RIMKLB: variants seen among roughly 807,000 people sequenced by gnomAD.
RIMKLB encodes ribosomal modification protein rimK like family member B.
A neutral mutation model predicts 32.0 loss-of-function variants in RIMKLB; 7 were observed. The observed-to-expected ratio is 0.22, with a 90% CI of 0.12 to 0.41. The LOEUF (loss-of-function observed/expected upper bound fraction) is 0.41, where lower values mean the gene tolerates loss of function less well. RIMKLB is among the 10% of genes least tolerant of loss of function. The pLI is 1.00. For synonymous variants in RIMKLB, 172 were observed against 185.1 expected, an observed-to-expected ratio of 0.93 and a Z score of 0.57; for missense variants, 289 against 498.7, an observed-to-expected ratio of 0.58 and a Z score of 4.00.
At chr12:8,678,580 G>A (rs1423944221), upstream of RIMKLB, among the ~76,000 whole-genome samples, 4 of 151,754 alleles carry the variant, frequency 2.6e-5, no homozygotes, top group African/African-American at 7.3e-5. Flanking sequence ...CGCCTGTCTC[G>A]GCCTCCCAAA....
At chr12:8,755,795 A>G (rs947098677) in intron 5 of RIMKLB, among the ~76,000 whole-genome samples, 1 of 152,120 alleles carries the variant, frequency 6.6e-6, no homozygotes, top group Non-Finnish European at 1.5e-5. Context: ...GATCATCCTG[A>G]CCTCAAGGTT....
At chr12:8,678,324 T>C (rs1037961728), upstream of RIMKLB, among the ~76,000 whole-genome samples, 6 of 151,624 alleles carry the variant, frequency 4.0e-5, no homozygotes, top group African/African-American at 1.5e-4. Context: ...CCGGTCTTTC[T>C]TTTTTTCTTT....
At chr12:8,675,697 A>T in the RIMKLB span, among the ~76,000 whole-genome samples, 1 of 152,142 alleles carries the variant, frequency 6.6e-6, no homozygotes, top group Non-Finnish European at 1.5e-5. Flanking sequence ...CAGGATTACA[A>T]CTTTTTTTAG....
intron 2 of RIMKLB, among the ~76,000 whole-genome samples, chr12:8,743,354 CAAAAAAAAA>C (rs60066068): frequency 7.7e-5 from 5 of 65,188 alleles, no homozygotes; most frequent in African/African-American, 2.3e-4. Context: ...GAGTCTGTCT[CAAAAAAAAA>C]AAAAAAAAAA....
At chr12:8,680,988 C>CTT (rs149951264), upstream of RIMKLB, among the ~76,000 whole-genome samples, 352 of 145,710 alleles carry the variant, frequency 2.4e-3, 1 homozygote, top group Non-Finnish European at 3.3e-3. Context: ...CAGGTCTGGT[C>CTT]TTTTTTTTTT....
chr12:8,685,476 G>A lies in RIMKLB; in HGVS notation n.219+3658G>A, dbSNP rs573837807. ...TGTGATATTTCTTTAGTCTGTTGAT[G>A]CGATGGATTGCATTAATTGATTTTT... is the stretch of plus-strand genomic sequence containing the variant. On this transcript the variant is annotated intron_variant and non_coding_transcript_variant, in intron 1 of 1. Transcript: ENST00000538758. Among the ~76,000 whole-genome samples the A allele has an allele frequency of 1.5e-3, 231 of 152,308 alleles. 2 individuals are homozygous for A. Among genetic ancestry groups the A allele is most frequent in the African/African-American group, 5.2e-3 (215 of 41,574 alleles).
the RIMKLB span, among the ~76,000 whole-genome samples, chr12:8,676,315 C>T: frequency 1.3e-5 from 2 of 150,128 alleles, no homozygotes; most frequent in African/African-American, 4.9e-5. Context: ...CTTGAGTGAT[C>T]CCCCAGTCTT....
chr12:8,758,362 C>T (rs1269991967), intron 5 of RIMKLB, among the ~76,000 whole-genome samples: 1 of 151,864 alleles, frequency 6.6e-6, no homozygotes. Flanking sequence ...CTCAAGTGAT[C>T]CTCCCATCTC....
At chr12:8,689,935 C>G (rs952939063) in intron 1 of RIMKLB, among the ~76,000 whole-genome samples, 2 of 152,134 alleles carry the variant, frequency 1.3e-5, no homozygotes, top group African/African-American at 2.4e-5. Flanking sequence ...CCACCTCCCC[C>G]ATCCCCATTT....
the RIMKLB span, among the ~76,000 whole-genome samples, chr12:8,675,169 A>G: frequency 1.3e-5 from 2 of 152,202 alleles, no homozygotes; most frequent in Non-Finnish European, 2.9e-5. Flanking sequence ...CCCTTTTCTC[A>G]CAATTTTAAG....
rs1449196711 is a variant in RIMKLB, at chr12:8,753,879, T to G, written c.494-11T>G. 2.0e-5 allele frequency: 33 copies of G among 1,610,150 alleles called. No individual in the cohort carries two copies. The highest frequency in any genetic ancestry group is 2.8e-5 in the Non-Finnish European group (33 of 1,176,582). On this transcript the variant is annotated splice_polypyrimidine_tract_variant and intron_variant, in intron 4 of 5. Transcript: ENST00000535829. ...TGACTTAACATGTATTTTTATTCTTTTCAATCATAGGTAAAGCTGTTTTCT... is the reference window on the plus strand; with the variant it reads ...TGACTTAACATGTATTTTTATTCTTGTCAATCATAGGTAAAGCTGTTTTCT...
chr12:8,685,271 T>C (rs1591593113), intron 1 of RIMKLB, among the ~76,000 whole-genome samples: 1 of 152,230 alleles, frequency 6.6e-6, no homozygotes, highest in Admixed American at 6.5e-5. Context: ...AGTTTCTTTG[T>C]AGATGTTCTT....
downstream of RIMKLB, chr12:8,777,710 C>A (rs187548044): frequency 7.8e-7 from 1 of 1,278,064 alleles, no homozygotes; most frequent in African/African-American, 1.5e-5. Flanking sequence ...GGGTCAGTGC[C>A]CTTCTAAACT....
chr12:8,696,963 CTTT>C (rs200665237), upstream of RIMKLB, among the ~76,000 whole-genome samples: 1 of 151,160 alleles, frequency 6.6e-6, no homozygotes, highest in Non-Finnish European at 1.5e-5. Flanking sequence ...GTCTGTAGCC[CTTT>C]TTTTTTCTCC....
chr12:8,777,210 GCTTTCTT>G, downstream of RIMKLB: 1 of 588,772 alleles, frequency 1.7e-6, no homozygotes. Context: ...CTGCTTGCTT[GCTTTCTT>G]TTTTTTTTTT....
At chr12:8,686,291 ATTTCC>A (rs369347626) in intron 1 of RIMKLB, among the ~76,000 whole-genome samples, 26 of 112,588 alleles carry the variant, frequency 2.3e-4, no homozygotes, top group African/African-American at 8.6e-4. Flanking sequence ...CTCTCCTCTC[ATTTCC>A]TTTCCTTTCC....
chr12:8,694,601 C>T (rs1288698392), upstream of RIMKLB, among the ~76,000 whole-genome samples: 1 of 152,012 alleles, frequency 6.6e-6, no homozygotes, highest in East Asian at 1.9e-4. Context: ...ACCATGTGGG[C>T]CAGGCTGGTC....
intron 1 of RIMKLB, among the ~76,000 whole-genome samples, chr12:8,707,251 C>G (rs1943967428): frequency 6.6e-6 from 1 of 152,188 alleles, no homozygotes; most frequent in Non-Finnish European, 1.5e-5. Context: ...CCCACCAGTA[C>G]AGGCCTCTGG....
intron 1 of RIMKLB, among the ~76,000 whole-genome samples, chr12:8,682,536 G>A (rs1942437052): frequency 2.0e-5 from 3 of 152,048 alleles, no homozygotes; most frequent in Admixed American, 2.0e-4. Flanking sequence ...ACTTTGGGAG[G>A]CCGAGGCGGG....
Sources: gnomAD v4.1 joint callset for allele counts (sites outside exome capture counted in the v4.1 genomes callset) on GRCh38, gnomAD v4.1.1 for gene constraint, MANE v1.5 for transcripts, NCBI Gene and HGNC (gene_info 2026-07-23, HGNC 2026-07-21) for gene names.